The following TMPRSS11B variants were observed in gnomAD, a reference collection of about 807,000 sequenced individuals.
TMPRSS11B encodes the protein transmembrane protease serine 11B.
In TMPRSS11B, 53 loss-of-function variants were observed where a neutral mutation model predicts 44.7. The ratio of observed to expected loss-of-function variants is 1.19; its 90% CI spans 0.95 to 1.49. The LOEUF is 1.49. Among genes scored for constraint, TMPRSS11B ranks in the 40% most tolerant of loss-of-function variants. TMPRSS11B has a pLI of 0.00. For synonymous variants in TMPRSS11B, 140 were observed against 159.2 expected (o/e 0.88, Z 0.91); for missense variants, 526 against 494.8 (o/e 1.06, Z -0.60).
At chr4:68,234,184 T>C (rs1719596250) in intron 5 of TMPRSS11B, among the ~76,000 whole-genome samples, 1 of 151,300 alleles carries the variant, frequency 6.6e-6, no homozygotes, top group African/African-American at 2.4e-5. Context: ...AGAAGATAAT[T>C]CAATTAGAAC....
chr4:68,237,613 T>C (rs1719708365), intron 2 of TMPRSS11B, among the ~76,000 whole-genome samples: 1 of 152,170 alleles, frequency 6.6e-6, no homozygotes, highest in Admixed American at 6.6e-5. Flanking sequence ...TGGGTGGTGC[T>C]TTGTGTGAGT....
intron 1 of TMPRSS11B, among the ~76,000 whole-genome samples, chr4:68,242,343 TATTATA>T: frequency 3.4e-5 from 1 of 29,742 alleles, no homozygotes; most frequent in Admixed American, 5.0e-4. Context: ...ATTATATATA[TATTATA>T]TATAATATTA....
rs1560445468 is a variant in TMPRSS11B at position 68,242,262 on chromosome 4, A to AT, written c.9-459dup. ...TATTATATTATATATATTATAATAT[A>AT]TATAATATAATATTATATATATTAT... On this transcript the variant is annotated intron_variant, in intron 1 of 9. Transcript: ENST00000332644. Among the ~76,000 whole-genome samples the AT allele has an allele frequency of 1.1e-3, 56 of 49,714 alleles. 2 individuals are homozygous for AT. Among genetic ancestry groups the AT allele is most frequent in the African/African-American group, 6.0e-3 (54 of 9,024 alleles). 32.6% of individuals were successfully genotyped at this position (49,714 alleles called of 152,430 possible).
chr4:68,239,887 G>A (rs1251980978), intron 2 of TMPRSS11B, among the ~76,000 whole-genome samples: 1 of 152,136 alleles, frequency 6.6e-6, no homozygotes, highest in Non-Finnish European at 1.5e-5. Context: ...GAAGAAGCTA[G>A]GGTTTGGAAC....
In TMPRSS11B at chr4:68,231,288, T is replaced by C. The variant is rs752521259; in HGVS notation, c.601A>G (p.Ser201Gly). The C allele has an allele frequency of 6.2e-7, 1 of 1,613,916 alleles. No individual in the cohort carries two copies. The highest frequency in any genetic ancestry group is 1.1e-5 in the South Asian group (1 of 91,082). Residue 201 changes from serine to glycine, a missense_variant, in exon 7 of 10, where the codon AGC (serine) becomes GGC (glycine). Ser to Gly is a moderately conservative substitution (Grantham distance 56). Transcript: ENST00000332644. Reference sequence around the variant, plus strand: ...TAGTGACGGCCTTTCCATTGCATGCTGGCCTGCCATGGCCATGCCCCCTCC... The same window carrying C: ...TAGTGACGGCCTTTCCATTGCATGCCGGCCTGCCATGGCCATGCCCCCTCC... ...SLEGAWPWQA[S>G]MQWKGRHYCG...
chr4:68,242,230 T>TATATTATAA, intron 1 of TMPRSS11B, among the ~76,000 whole-genome samples: 1 of 74,524 alleles, frequency 1.3e-5, no homozygotes, highest in East Asian at 3.2e-4. Context: ...TTATATTATA[T>TATATTATAA]TATATATATT....
At chr4:68,240,881 T>A (rs561361175) in intron 2 of TMPRSS11B, among the ~76,000 whole-genome samples, 3 of 152,228 alleles carry the variant, frequency 2.0e-5, no homozygotes, top group Admixed American at 2.0e-4. Context: ...TTCAGAGATA[T>A]AAAACTCAGA....
At chr4:68,239,265 C>T (rs1012741457) in intron 2 of TMPRSS11B, among the ~76,000 whole-genome samples, 31 of 144,236 alleles carry the variant, frequency 2.1e-4, no homozygotes, top group African/African-American at 8.1e-4. Context: ...CTCTCTCTCG[C>T]GCGCGCGCTC....
intron 9 of TMPRSS11B, 74 bp from the exon 10 acceptor site, chr4:68,228,146 T>C (rs900442022): frequency 5.8e-5 from 78 of 1,349,162 alleles, no homozygotes; most frequent in Non-Finnish European, 7.2e-5. Context: ...TGGAGTTATC[T>C]GTACCTCCTG....
In TMPRSS11B at chr4:68,234,624, C is replaced by A; in HGVS notation, c.309-1G>T. 6.2e-7 allele frequency: 1 copy of A among 1,612,536 alleles called. No homozygotes were observed. The highest frequency in any genetic ancestry group is 8.5e-7 in the Non-Finnish European group (1 of 1,179,660). ...CACATTTGAACCATTGGCATTAGGC[C>A]TAGAAACAACAGAAATTTTCTAATG... On this transcript the variant is annotated splice_acceptor_variant, in intron 4 of 9. Transcript: ENST00000332644. LOFTEE classifies it high-confidence loss of function.
chr4:68,228,582 A>G (rs977055130), intron 9 of TMPRSS11B, among the ~76,000 whole-genome samples, 160 bp downstream of exon 9: 2 of 152,260 alleles, frequency 1.3e-5, no homozygotes, highest in African/African-American at 2.4e-5. Context: ...CCTAGCATGT[A>G]GGCTAGTGTC....
rs1719441305 is a variant in TMPRSS11B, at chr4:68,229,286, A to T, written c.917T>A (p.Val306Asp). The T allele has an allele frequency of 6.2e-7, 1 of 1,611,184 alleles. No individual in the cohort carries two copies. Among genetic ancestry groups the T allele is most frequent in the Non-Finnish European group, 8.5e-7 (1 of 1,178,366 alleles). ...MKLSENDNVV[V>D]TGWGTLYMNG... ...CATATAAAGTGTTCCCCAACCTGTA[A>T]CTACAACATTGTCATTTTCTGAGAG... Residue 306 changes from valine to aspartate, a missense_variant, in exon 8 of 10, where the codon GTT becomes GAT. By Grantham distance (152) the Val-to-Asp change is radical. Coordinates refer to ENST00000332644, the MANE Select transcript of TMPRSS11B (RefSeq NM_182502.3).
Position 68,241,894 on chromosome 4 carries a change from T to G in TMPRSS11B, c.9-90A>C, listed in dbSNP as rs567546614. 7.3e-4 allele frequency: 565 copies of G among 769,390 alleles called. 7 individuals carry two copies. In the South Asian group the frequency reaches 8.2e-3, roughly 11 times the overall value. The allele number at this position is 769,390 out of a possible 1,614,324, so 47.7% of individuals were successfully genotyped here. Reference sequence around the variant, plus strand: ...TCAACTCATAGTACATGAATTGTAGTTTATACATTAGTCCTTTATGCTAGC... The same window carrying G: ...TCAACTCATAGTACATGAATTGTAGGTTATACATTAGTCCTTTATGCTAGC... On this transcript the variant is annotated intron_variant, in intron 1 of 9. Coordinates refer to ENST00000332644, the MANE Select transcript of TMPRSS11B (RefSeq NM_182502.3).
At chr4:68,242,216 AATATTAT>A (rs1389050015) in intron 1 of TMPRSS11B, among the ~76,000 whole-genome samples, 1 of 73,134 alleles carries the variant, frequency 1.4e-5, no homozygotes, top group Non-Finnish European at 2.3e-5. Flanking sequence ...TAATATATAT[AATATTAT>A]ATTATATTAT....
At chr4:68,228,664 C>CA (rs1248530648) in intron 9 of TMPRSS11B, 78 bp downstream of exon 9, 38 of 1,479,394 alleles carry the variant, frequency 2.6e-5, no homozygotes, top group Admixed American at 1.1e-4. Context: ...ATTATTAACA[C>CA]AAAAAAAATT....
chr4:68,227,987 CCA>C lies in TMPRSS11B; in HGVS notation c.1173_1174del (p.Cys391TrpfsTer2). Reference sequence around the variant, plus strand: ...ATAGACACCTGGCTTATTCTTTTTACCACATCCATCACCCCAGCTTACTATTC... The same window carrying C: ...ATAGACACCTGGCTTATTCTTTTTACCATCCATCACCCCAGCTTACTATTC... On this transcript the variant is annotated frameshift_variant, in exon 10 of 10. Coordinates refer to ENST00000332644, the MANE Select transcript of TMPRSS11B (RefSeq NM_182502.3). LOFTEE classifies it high-confidence loss of function. 6.2e-7 allele frequency: 1 copy of C among 1,613,834 alleles called. No homozygotes were observed. Among genetic ancestry groups the C allele is most frequent in the African/African-American group, 1.3e-5 (1 of 74,986 alleles).
chr4:68,228,186 C>T (rs1719410070), intron 9 of TMPRSS11B, 114 bp from the exon 10 acceptor site: 1 of 970,642 alleles, frequency 1.0e-6, no homozygotes, highest in South Asian at 1.9e-5. Flanking sequence ...TCTCTTTGGG[C>T]TTAGAACTCT....
At chr4:68,238,215 T>C (rs531201344) in intron 2 of TMPRSS11B, among the ~76,000 whole-genome samples, 74 of 152,236 alleles carry the variant, frequency 4.9e-4, no homozygotes, top group African/African-American at 1.7e-3. Context: ...AATTTTAAAA[T>C]AAAATAAAAA....
chr4:68,227,848 C>A lies in TMPRSS11B; in HGVS notation c.*63G>T, dbSNP rs1201301410. 1 of 1,288,792 alleles carries A rather than the reference C, an allele frequency of 7.8e-7. No homozygotes were observed. Among genetic ancestry groups the A allele is most frequent in the East Asian group, 2.8e-5 (1 of 36,244 alleles). The allele number at this position is 1,288,792 out of a possible 1,614,324, so 79.8% of individuals were successfully genotyped here. The stretch of plus-strand genomic sequence containing the variant: ...ACCAACAATCAAAATAAAAAGATCC[C>A]AAAGCCACAGATAAGGATAGCCTAC... On this transcript the variant is annotated 3_prime_UTR_variant, in exon 10 of 10. Transcript: ENST00000332644.
Sources: allele counts gnomAD v4.1 joint callset (sites outside exome capture counted in the v4.1 genomes callset), GRCh38; gene constraint gnomAD v4.1.1; transcripts MANE v1.5; gene names NCBI Gene and HGNC (gene_info 2026-07-23, HGNC 2026-07-21).